Variants in AGBL1 observed in about 807,000 individuals in gnomAD.
AGBL1 encodes the protein AGBL carboxypeptidase 1.
In AGBL1, 130 loss-of-function variants were observed where a neutral mutation model predicts 118.9. The ratio of observed to expected loss-of-function variants is 1.09; its 90% CI spans 0.95 to 1.26. AGBL1 has a LOEUF of 1.26. Among genes scored for constraint, AGBL1 ranks in the 50% most tolerant of loss-of-function variants. AGBL1 has a pLI of 0.00. For missense variants in AGBL1, 1,584 were observed against 1,298.1 expected (o/e 1.22, Z -3.38); for synonymous variants, 555 against 478.9 (o/e 1.16, Z -2.08).
At chr15:86,215,210 AGTGTATATGTATGCGTGTGTGTGTGT>A (rs2078164903) in intron 5 of AGBL1, among the ~76,000 whole-genome samples, 1 of 99,310 alleles carries the variant, frequency 1.0e-5, no homozygotes, top group Non-Finnish European at 2.3e-5. Context: ...TGTGTGTGTG[AGTGTATATGTATGCGTGTGTGTGTGT>A]GTGTGTGTGT....
intron 19 of AGBL1, among the ~76,000 whole-genome samples, chr15:86,524,331 G>T (rs2142204075): frequency 6.6e-6 from 1 of 152,278 alleles, no homozygotes; most frequent in Middle Eastern, 3.4e-3. Flanking sequence ...CAGAATAGCA[G>T]TTATATTCAT....
At chr15:86,481,885 G>T (rs2082656564) in intron 18 of AGBL1, among the ~76,000 whole-genome samples, 2 of 152,100 alleles carry the variant, frequency 1.3e-5, no homozygotes, top group Admixed American at 6.6e-5. Flanking sequence ...AGAAGGGGTT[G>T]TGTTTTACTC....
intron 18 of AGBL1, among the ~76,000 whole-genome samples, chr15:86,520,683 G>A (rs2083177729): frequency 6.6e-6 from 1 of 152,034 alleles, no homozygotes; most frequent in Non-Finnish European, 1.5e-5. Context: ...TGCTTTTAAA[G>A]GGCCTCAACT....
chr15:86,952,383 G>C (rs926941233), intron 23 of AGBL1, among the ~76,000 whole-genome samples: 1 of 152,038 alleles, frequency 6.6e-6, no homozygotes, highest in African/African-American at 2.4e-5. Flanking sequence ...GTAAGGTCAT[G>C]ATATCTTATC....
intron 22 of AGBL1, among the ~76,000 whole-genome samples, chr15:86,895,429 G>T (rs114393115): frequency 6.7e-6 from 1 of 149,556 alleles, no homozygotes; most frequent in Non-Finnish European, 1.5e-5. Flanking sequence ...TTGCATTTGC[G>T]TGTATTTCTT....
intron 19 of AGBL1, among the ~76,000 whole-genome samples, chr15:86,526,544 G>GTATATATATATATATATA (rs1555422465): frequency 4.2e-5 from 5 of 119,446 alleles, no homozygotes; most frequent in African/African-American, 1.6e-4. Flanking sequence ...TTGTGTCTGT[G>GTATATATATATATATATA]TATATATATA....
intron 16 of AGBL1, among the ~76,000 whole-genome samples, chr15:86,291,344 T>A (rs1015798457): frequency 6.6e-6 from 1 of 151,230 alleles, no homozygotes; most frequent in Non-Finnish European, 1.5e-5. Context: ...TATACATATA[T>A]GTACAATGGG....
At chr15:86,702,722 C>T (rs1453136365) in intron 22 of AGBL1, among the ~76,000 whole-genome samples, 1 of 152,106 alleles carries the variant, frequency 6.6e-6, no homozygotes, top group African/African-American at 2.4e-5. Flanking sequence ...TTTCTTGCAT[C>T]TCCTATGTGT....
chr15:86,604,235 CA>C (rs1284842261), intron 21 of AGBL1, among the ~76,000 whole-genome samples: 1 of 151,772 alleles, frequency 6.6e-6, no homozygotes, highest in Non-Finnish European at 1.5e-5. Context: ...AAATTGTAGG[CA>C]ATTAGATGAT....
intron 1 of AGBL1, among the ~76,000 whole-genome samples, chr15:86,080,709 C>T (rs1895210954): frequency 6.6e-6 from 1 of 152,142 alleles, no homozygotes; most frequent in Admixed American, 6.5e-5. Context: ...TGGGACCCAC[C>T]CCCAAAGACA....
At chr15:86,326,406 A>G (rs1313259973) in intron 17 of AGBL1, among the ~76,000 whole-genome samples, 1 of 152,212 alleles carries the variant, frequency 6.6e-6, no homozygotes, top group African/African-American at 2.4e-5. Context: ...ATAAGTATAC[A>G]TAGGAGAAGG....
chr15:86,355,041 A>G (rs2080691211), intron 17 of AGBL1, among the ~76,000 whole-genome samples: 1 of 152,224 alleles, frequency 6.6e-6, no homozygotes, highest in Non-Finnish European at 1.5e-5. Context: ...GCAAAAAGAA[A>G]TCTGAATAAG....
At chr15:86,596,819 T>C (rs914418615) in intron 21 of AGBL1, among the ~76,000 whole-genome samples, 1 of 152,170 alleles carries the variant, frequency 6.6e-6, no homozygotes, top group Non-Finnish European at 1.5e-5. Context: ...TTGCTTTCCT[T>C]CTTCTTTTTC....
intron 23 of AGBL1, among the ~76,000 whole-genome samples, chr15:86,931,709 G>T (rs1225725812): frequency 2.6e-5 from 4 of 152,000 alleles, no homozygotes; most frequent in African/African-American, 9.7e-5. Context: ...AGGTGGAGGG[G>T]GGACCTTGGG....
chr15:87,016,897 G>A (rs1016017412), intron 24 of AGBL1, among the ~76,000 whole-genome samples: 4 of 152,152 alleles, frequency 2.6e-5, no homozygotes, highest in African/African-American at 9.7e-5. Context: ...AGAGCTGTGT[G>A]AAGTCCCTGC....
At chr15:86,959,627 T>A (rs991107640) in intron 23 of AGBL1, among the ~76,000 whole-genome samples, 1 of 152,130 alleles carries the variant, frequency 6.6e-6, no homozygotes, top group African/African-American at 2.4e-5. Context: ...CTATTTCAGA[T>A]AACTGGTAAA....
intron 17 of AGBL1, among the ~76,000 whole-genome samples, chr15:86,394,470 ATAT>A (rs1381227847): frequency 6.6e-6 from 1 of 152,112 alleles, no homozygotes; most frequent in Non-Finnish European, 1.5e-5. Context: ...ATTCAAGGTA[ATAT>A]TATTATAAGG....
At chr15:86,748,457 T>C (rs190033843) in intron 22 of AGBL1, among the ~76,000 whole-genome samples, 1 of 146,972 alleles carries the variant, frequency 6.8e-6, no homozygotes, top group East Asian at 1.9e-4. Flanking sequence ...TGGTAGTTTC[T>C]TTTGTTGTGC....
In AGBL1 at chr15:86,825,125, A is replaced by G. The variant is rs1032986972; in HGVS notation, c.3159-81962A>G. ...AGAATTCAGAACTCAACCTACGCAAATATATTCAAAAGTTGCAAAAGCAGT... is the reference window on the plus strand; with the variant it reads ...AGAATTCAGAACTCAACCTACGCAAGTATATTCAAAAGTTGCAAAAGCAGT... On this transcript the variant is annotated intron_variant, in intron 22 of 22. Transcript: ENST00000614907. 3.3e-5 allele frequency among the ~76,000 whole-genome samples: 5 copies of G among 151,964 alleles called. No homozygotes were observed. In the East Asian group the frequency reaches 9.7e-4, roughly 29 times the overall value.
Sources: gnomAD v4.1 joint callset for allele counts (sites outside exome capture counted in the v4.1 genomes callset) on GRCh38, gnomAD v4.1.1 for gene constraint, MANE v1.5 for transcripts, NCBI Gene and HGNC (gene_info 2026-07-23, HGNC 2026-07-21) for gene names.